HBA2: variants seen among roughly 807,000 people sequenced by gnomAD.
HBA2 encodes hemoglobin subunit alpha 2.
A neutral mutation model predicts 5.6 loss-of-function variants in HBA2; 9 were observed. The ratio of observed to expected loss-of-function variants is 1.60; its 90% CI spans 0.97 to 2.80. HBA2 has a LOEUF of 2.80. Ranked by LOEUF, HBA2 falls within the 30% of genes most tolerant of loss-of-function variation. The probability of loss-of-function intolerance (pLI) is 0.00; values close to 1 mark genes in which losing one functional copy is unlikely to be tolerated. For synonymous variants in HBA2, 38 were observed against 73.4 expected (o/e 0.52, Z 2.47); for missense variants, 86 against 152.1 (o/e 0.57, Z 2.29).
chr16:173,614 T>G lies in HBA2; in HGVS notation c.*14T>G, dbSNP rs781677760. ...AAATACCGTTAAGCTGGAGCCTCGG[T>G]AGCCGTTCCTCCTGCCCGCTGGGCC... On this transcript the variant is annotated 3_prime_UTR_variant, in exon 3 of 3. Transcript: ENST00000251595. 6.2e-7 allele frequency: 1 copy of G among 1,608,446 alleles called. No homozygotes were observed. The highest frequency in any genetic ancestry group is 1.1e-5 in the South Asian group (1 of 89,806).
intron 2 of HBA2, 42 bp from the exon 3 acceptor site, chr16:173,430 C>G: frequency 1.9e-6 from 3 of 1,604,442 alleles, no homozygotes; most frequent in Non-Finnish European, 2.5e-6. Flanking sequence ...GCGCAGGCGG[C>G]GGCTGCGGGC....
In HBA2 at chr16:173,106, A is replaced by G; in HGVS notation, c.96-19A>G. 5.1e-6 allele frequency: 3 copies of G among 583,700 alleles called. No individual in the cohort carries two copies. Among genetic ancestry groups the G allele is most frequent in the Non-Finnish European group, 5.7e-6 (2 of 353,118 alleles). The allele number at this position is 583,700 out of a possible 1,614,324, so 36.2% of individuals were successfully genotyped here. A position where few individuals can be genotyped will look rare whatever the true frequency, so the allele number is the denominator to read the frequency against. On this transcript the variant is annotated intron_variant, in intron 1 of 2. Coordinates refer to ENST00000251595, the MANE Select transcript of HBA2 (RefSeq NM_000517.6). ...GCCCCGGACCCAAACCCCACCCCTC[A>G]CTCTGCTTCTCCCCGCAGGATGTTC...
Position 173,532 on chromosome 16 carries a change from G to C in HBA2, c.361G>C (p.Ala121Pro). Residue 121 changes from alanine to proline, a missense_variant, in exon 3 of 3, where the codon GCG becomes CCG. By Grantham distance (27) the Ala-to-Pro change is conservative. Coordinates refer to ENST00000251595, the MANE Select transcript of HBA2 (RefSeq NM_000517.6). ...AAHLPAEFTP[A>P]VHASLDKFLA... Reference sequence around the variant, plus strand: ...CCACCTCCCCGCCGAGTTCACCCCTGCGGTGCACGCCTCCCTGGACAAGTT... The same window carrying C: ...CCACCTCCCCGCCGAGTTCACCCCTCCGGTGCACGCCTCCCTGGACAAGTT... 1 of 1,607,166 alleles carries C rather than the reference G, an allele frequency of 6.2e-7. No homozygotes were observed. Among genetic ancestry groups the C allele is most frequent in the South Asian group, 1.1e-5 (1 of 89,760 alleles).
rs33933481 is a variant in HBA2 at position 173,550 on chromosome 16, G to A, written c.379G>A (p.Asp127Asn). The A allele has an allele frequency of 1.2e-6, 2 of 1,607,816 alleles. No homozygotes were observed. Among genetic ancestry groups the A allele is most frequent in the East Asian group, 2.2e-5 (1 of 44,846 alleles). Residue 127 changes from aspartate to asparagine, a missense_variant, in exon 3 of 3, where the codon GAC becomes AAC. By Grantham distance (23) the Asp-to-Asn change is conservative. Transcript: ENST00000251595. ...EFTPAVHASL[D>N]KFLASVSTVL... ...CACCCCTGCGGTGCACGCCTCCCTG[G>A]ACAAGTTCCTGGCTTCTGTGAGCAC... is the stretch of plus-strand genomic sequence containing the variant.
chr16:173,658 C>G lies in HBA2; in HGVS notation c.*58C>G. ...CTGGGCCTCCCAACGGGCCCTCCTCCCCTCCTTGCACCGGCCCTTCCTGGT... is the reference window on the plus strand; with the variant it reads ...CTGGGCCTCCCAACGGGCCCTCCTCGCCTCCTTGCACCGGCCCTTCCTGGT... On this transcript the variant is annotated 3_prime_UTR_variant, in exon 3 of 3. Coordinates refer to ENST00000251595, the MANE Select transcript of HBA2 (RefSeq NM_000517.6). 1.9e-6 allele frequency: 3 copies of G among 1,600,520 alleles called. No homozygotes were observed. Among genetic ancestry groups the G allele is most frequent in the African/African-American group, 1.4e-5 (1 of 70,192 alleles).
chr16:173,369 G>A, intron 2 of HBA2, 40 bp downstream of exon 2: 1 of 1,602,538 alleles, frequency 6.2e-7, no homozygotes, highest in South Asian at 1.1e-5. Flanking sequence ...CGAGGGGCGA[G>A]ATGGCGCCTT....
Position 173,439 on chromosome 16 carries a change from G to A in HBA2, c.301-33G>A, listed in dbSNP as rs1381209839. ...GGTGTAGCGCAGGCGGCGGCTGCGG[G>A]CCTGGGCCGCACTGACCCTCTTCTC... On this transcript the variant is annotated intron_variant, in intron 2 of 2. Coordinates refer to ENST00000251595, the MANE Select transcript of HBA2 (RefSeq NM_000517.6). The A allele has an allele frequency of 9.4e-6, 15 of 1,603,870 alleles. 1 individual carries two copies. The South Asian group carries it at 1.7e-4, about 18-fold the overall frequency.
chr16:173,392 G>A, intron 2 of HBA2, 63 bp downstream of exon 2: 1 of 1,604,832 alleles, frequency 6.2e-7, no homozygotes, highest in African/African-American at 1.4e-5. Context: ...TCTCAGGGCA[G>A]AGGATCACGC....
intron 2 of HBA2, 61 bp downstream of exon 2, chr16:173,390 C>T (rs1902054934): frequency 6.2e-7 from 1 of 1,604,312 alleles, no homozygotes; most frequent in Non-Finnish European, 8.5e-7. Context: ...CCTCTCAGGG[C>T]AGAGGATCAC....
At chr16:173,387 G>C (rs991629366) in intron 2 of HBA2, 58 bp downstream of exon 2, 9 of 1,604,298 alleles carry the variant, frequency 5.6e-6, no homozygotes, top group Non-Finnish European at 7.6e-6. Context: ...CTTCCTCTCA[G>C]GGCAGAGGAT....
In HBA2 at chr16:172,950, C is replaced by A. The variant is rs281864809; in HGVS notation, c.38C>A (p.Ala13Asp). 1.9e-5 allele frequency: 7 copies of A among 369,882 alleles called. 1 individual carries two copies. The highest frequency in any genetic ancestry group is 1.6e-4 in the South Asian group (7 of 43,790). 22.9% of individuals were successfully genotyped at this position (369,882 alleles called of 1,614,324 possible). A position where few individuals can be genotyped will look rare whatever the true frequency, so the allele number is the denominator to read the frequency against. The change falls in exon 1 of 3, where the codon GCC becomes GAC. Residue 13 changes from alanine to aspartate, a missense_variant. Coordinates refer to ENST00000251595, the MANE Select transcript of HBA2 (RefSeq NM_000517.6). ...LSPADKTNVK[A>D]AWGKVGAHAG... ...CCTGCCGACAAGACCAACGTCAAGG[C>A]CGCCTGGGGTAAGGTCGGCGCGCAC...
Position 173,598 on chromosome 16 carries a change from T to C in HBA2, c.427T>C (p.Ter143GlnextTer31), listed in dbSNP as rs41464951. The stretch of plus-strand genomic sequence containing the variant: ...CACCGTGCTGACCTCCAAATACCGT[T>C]AAGCTGGAGCCTCGGTAGCCGTTCC... ...VSTVLTSKYR[*>Q] is the part of the protein sequence containing the mutation. Residue 143 changes from the stop codon to glutamine, a stop_lost, in exon 3 of 3, where the codon TAA (stop) becomes CAA (glutamine). Transcript: ENST00000251595. The C allele has an allele frequency of 2.2e-5, 36 of 1,608,260 alleles. 1 individual carries two copies. In the East Asian group the frequency reaches 3.3e-4, roughly 15 times the overall value.
Position 173,694 on chromosome 16 carries a change from A to G in HBA2, c.*94A>G, listed in dbSNP as rs63751269. 15 of 1,532,660 alleles carry G rather than the reference A, an allele frequency of 9.8e-6. 1 individual carries two copies. In the Middle Eastern group the frequency reaches 1.2e-3, roughly 123 times the overall value. The allele number at this position is 1,532,660 out of a possible 1,614,324, so 94.9% of individuals were successfully genotyped here. On this transcript the variant is annotated 3_prime_UTR_variant, in exon 3 of 3. Transcript: ENST00000251595. Reference sequence around the variant, plus strand: ...CCGGCCCTTCCTGGTCTTTGAATAAAGTCTGAGTGGGCAGCAGCCTGTGTG... The same window carrying G: ...CCGGCCCTTCCTGGTCTTTGAATAAGGTCTGAGTGGGCAGCAGCCTGTGTG...
chr16:173,017 C>T lies in HBA2; in HGVS notation c.95+10C>T. 6.5e-6 allele frequency: 3 copies of T among 462,924 alleles called. No homozygotes were observed. The allele number at this position is 462,924 out of a possible 1,614,324, so 28.7% of individuals were successfully genotyped here. On this transcript the variant is annotated intron_variant, in intron 1 of 2. Transcript: ENST00000251595. ...CGGAGGCCCTGGAGAGGTGAGGCTC[C>T]CTCCCCTGCTCCGACCCGGGCTCCT...
chr16:173,678 C>G lies in HBA2; in HGVS notation c.*78C>G, dbSNP rs1232403791. ...TCCTCCCCTCCTTGCACCGGCCCTTCCTGGTCTTTGAATAAAGTCTGAGTG... is the reference window on the plus strand; with the variant it reads ...TCCTCCCCTCCTTGCACCGGCCCTTGCTGGTCTTTGAATAAAGTCTGAGTG... On this transcript the variant is annotated 3_prime_UTR_variant, in exon 3 of 3. Transcript: ENST00000251595. The G allele has an allele frequency of 1.1e-5, 17 of 1,577,376 alleles. No homozygotes were observed. The highest frequency in any genetic ancestry group is 1.3e-5 in the Non-Finnish European group (15 of 1,158,670).
Position 173,514 on chromosome 16 carries a change from C to T in HBA2, c.343C>T (p.Pro115Ser), listed in dbSNP as rs281864887. ...CLLVTLAAHL[P>S]AEFTPAVHAS... ...GCTGGTGACCCTGGCCGCCCACCTC[C>T]CCGCCGAGTTCACCCCTGCGGTGCA... The change falls in exon 3 of 3, where the codon CCC (proline) becomes TCC (serine). Residue 115 changes from proline to serine, a missense_variant. Physicochemically the swap from Pro to Ser is moderately conservative, Grantham distance 74 (BLOSUM62 -1). Coordinates refer to ENST00000251595, the MANE Select transcript of HBA2 (RefSeq NM_000517.6). The T allele has an allele frequency of 4.4e-6, 7 of 1,606,868 alleles. No individual in the cohort carries two copies. The highest frequency in any genetic ancestry group is 1.7e-4 in the Middle Eastern group (1 of 6,010).
intron 2 of HBA2, 50 bp from the exon 3 acceptor site, chr16:173,422 G>A (rs377019561): frequency 1.2e-6 from 2 of 1,604,434 alleles, no homozygotes; most frequent in Non-Finnish European, 1.7e-6. Context: ...GAGGTGTAGC[G>A]CAGGCGGCGG....
chr16:173,336 G>C lies in HBA2; in HGVS notation c.300+7G>C. 1.3e-6 allele frequency: 2 copies of C among 1,587,192 alleles called. No individual in the cohort carries two copies. The highest frequency in any genetic ancestry group is 1.7e-6 in the Non-Finnish European group (2 of 1,173,464). On this transcript the variant is annotated splice_region_variant and intron_variant, in intron 2 of 2. Coordinates refer to ENST00000251595, the MANE Select transcript of HBA2 (RefSeq NM_000517.6). Reference sequence around the variant, plus strand: ...GGACCCGGTCAACTTCAAGGTGAGCGGCGGGCCGGGAGCGATCTGGGTCGA... The same window carrying C: ...GGACCCGGTCAACTTCAAGGTGAGCCGCGGGCCGGGAGCGATCTGGGTCGA...
Position 173,113 on chromosome 16 carries a change from T to A in HBA2, c.96-12T>A, listed in dbSNP as rs951751710. 3 of 609,824 alleles carry A rather than the reference T, an allele frequency of 4.9e-6. No individual in the cohort carries two copies. In the East Asian group the frequency reaches 8.8e-5, roughly 18 times the overall value. The allele number at this position is 609,824 out of a possible 1,614,324, so 37.8% of individuals were successfully genotyped here. A position where few individuals can be genotyped will look rare whatever the true frequency, so the allele number is the denominator to read the frequency against. ...ACCCAAACCCCACCCCTCACTCTGC[T>A]TCTCCCCGCAGGATGTTCCTGTCCT... is the stretch of plus-strand genomic sequence containing the variant. On this transcript the variant is annotated splice_polypyrimidine_tract_variant and intron_variant, in intron 1 of 2. Coordinates refer to ENST00000251595, the MANE Select transcript of HBA2 (RefSeq NM_000517.6).
Sources: gnomAD v4.1 joint callset for allele counts on GRCh38, gnomAD v4.1.1 for gene constraint, MANE v1.5 for transcripts, NCBI Gene and HGNC (gene_info 2026-07-23, HGNC 2026-07-21) for gene names.